The following FARP1 variants were observed in gnomAD, a reference collection of about 807,000 sequenced individuals.
FARP1 encodes FERM, ARHGEF and pleckstrin domain-containing protein 1.
FARP1 carries 52 observed loss-of-function variants against 128.8 expected under a neutral mutation model. The ratio of observed to expected loss-of-function variants is 0.40; its 90% confidence interval spans 0.32 to 0.51. The LOEUF (loss-of-function observed/expected upper bound fraction) is 0.51, where lower values mean the gene tolerates loss of function less well. FARP1 is among the 20% of genes least tolerant of loss of function. FARP1 has a pLI of 0.45. For synonymous variants in FARP1, 580 were observed against 551.8 expected (o/e 1.05, Z -0.72); for missense variants, 1,333 against 1,367.9 (o/e 0.97, Z 0.40).
At chr13:98,205,330 G>T (rs1329624091) in intron 1 of FARP1, among the ~76,000 whole-genome samples, 5 of 151,194 alleles carry the variant, frequency 3.3e-5, no homozygotes, top group Non-Finnish European at 5.9e-5. Context: ...TTTGATTTTT[G>T]TTTCTTTAGG....
chr13:98,309,181 T>G (rs1886332418), intron 2 of FARP1, among the ~76,000 whole-genome samples: 1 of 66,338 alleles, frequency 1.5e-5, no homozygotes, highest in Non-Finnish European at 2.9e-5. Context: ...TTTTTTTTTT[T>G]TTGGAGACGG....
chr13:98,393,927 G>C (rs1205542632), intron 12 of FARP1, among the ~76,000 whole-genome samples: 1 of 152,290 alleles, frequency 6.6e-6, no homozygotes, highest in East Asian at 1.9e-4. Flanking sequence ...GGAGTGTGTT[G>C]TGTTTTCAGC....
intron 16 of FARP1, among the ~76,000 whole-genome samples, chr13:98,415,485 G>A (rs375591576): frequency 2.0e-5 from 3 of 152,326 alleles, no homozygotes; most frequent in Non-Finnish European, 2.9e-5. Context: ...GAGTGTGTGC[G>A]TGGCAGGCTT....
chr13:98,396,012 C>G (rs1890528981), intron 13 of FARP1: 1 of 399,026 alleles, frequency 2.5e-6, no homozygotes, highest in African/African-American at 2.1e-5. Flanking sequence ...CTTATGAACG[C>G]TGGTCCCCCA....
At chr13:98,232,076 C>T (rs1234458426) in intron 2 of FARP1, among the ~76,000 whole-genome samples, 1 of 150,560 alleles carries the variant, frequency 6.6e-6, no homozygotes, top group Non-Finnish European at 1.5e-5. Context: ...GCGATCTGCC[C>T]ACTTTGGCCT....
chr13:98,361,857 T>G (rs1436946469), intron 3 of FARP1, among the ~76,000 whole-genome samples: 1 of 152,160 alleles, frequency 6.6e-6, no homozygotes, highest in African/African-American at 2.4e-5. Context: ...TGTCCTGGGT[T>G]TTAGAGCTCT....
chr13:98,158,646 C>G (rs1317381197), intron 1 of FARP1, among the ~76,000 whole-genome samples: 1 of 152,138 alleles, frequency 6.6e-6, no homozygotes, highest in Non-Finnish European at 1.5e-5. Flanking sequence ...TAAAAAAACC[C>G]TAAAGTGTGA....
intron 19 of FARP1, chr13:98,436,180 A>G: frequency 9.2e-6 from 2 of 218,350 alleles, no homozygotes; most frequent in Non-Finnish European, 1.8e-5. Context: ...AAAATACCAA[A>G]TCTTAGCTGG....
At chr13:98,325,638 A>G (rs944586222) in intron 2 of FARP1, among the ~76,000 whole-genome samples, 2 of 152,228 alleles carry the variant, frequency 1.3e-5, no homozygotes, top group African/African-American at 4.8e-5. Flanking sequence ...TAGATTACAC[A>G]GCCGTGACAG....
At chr13:98,294,048 T>C (rs761823593) in intron 2 of FARP1, among the ~76,000 whole-genome samples, 6 of 152,218 alleles carry the variant, frequency 3.9e-5, no homozygotes, top group Admixed American at 1.3e-4. Flanking sequence ...GTCTGTGGAC[T>C]TGAGCTATTT....
At chr13:98,318,390 T>C (rs150691754) in intron 2 of FARP1, among the ~76,000 whole-genome samples, 241 of 152,276 alleles carry the variant, frequency 1.6e-3, no homozygotes, top group Non-Finnish European at 2.9e-3. Flanking sequence ...TCCTATTGGA[T>C]CAGGGCGGCA....
rs1216332724 is a variant in FARP1, at chr13:98,278,807, T to G, written c.172-64955T>G. Among the ~76,000 whole-genome samples the G allele has an allele frequency of 2.7e-5, 4 of 149,366 alleles. No individual in the cohort carries two copies. In the South Asian group the frequency reaches 6.3e-4, roughly 23 times the overall value. Reference sequence around the variant, plus strand: ...CTGTGACGAGGCTGCATTGTTTTTCTTATCATTTTAATGTTATTTATTTAT... The same window carrying G: ...CTGTGACGAGGCTGCATTGTTTTTCGTATCATTTTAATGTTATTTATTTAT... On this transcript the variant is annotated intron_variant, in intron 2 of 26. Coordinates refer to ENST00000319562, the MANE Select transcript of FARP1 (RefSeq NM_005766.4).
chr13:98,438,145 T>C (rs1566320478), intron 19 of FARP1, among the ~76,000 whole-genome samples: 1 of 152,196 alleles, frequency 6.6e-6, no homozygotes, highest in Non-Finnish European at 1.5e-5. Flanking sequence ...CTGCGATCCA[T>C]GCCCTCAAGA....
At chr13:98,271,151 A>G (rs144566074) in intron 2 of FARP1, among the ~76,000 whole-genome samples, 1 of 152,346 alleles carries the variant, frequency 6.6e-6, no homozygotes, top group African/African-American at 2.4e-5. Flanking sequence ...TCCTTCATTC[A>G]TAAACACCTG....
rs955761110 is a variant in FARP1 at position 98,435,889 on chromosome 13, G to A, written c.2274+183G>A. The A allele has an allele frequency of 4.2e-6, 3 of 714,826 alleles. No individual in the cohort carries two copies. In the African/African-American group the frequency reaches 5.2e-5, roughly 12 times the overall value. The allele number at this position is 714,826 out of a possible 1,614,324, so 44.3% of individuals were successfully genotyped here. ...GTTCAGAATCATTGTGTTCGGAGGA[G>A]ATAAAGCAATCCTCTGACCTCATAT... On this transcript the variant is annotated intron_variant, in intron 19 of 26. Coordinates refer to ENST00000319562, the MANE Select transcript of FARP1 (RefSeq NM_005766.4).
At chr13:98,271,332 C>T (rs1214361943) in intron 2 of FARP1, among the ~76,000 whole-genome samples, 4 of 152,186 alleles carry the variant, frequency 2.6e-5, no homozygotes, top group Non-Finnish European at 4.4e-5. Context: ...TTGCTAAATG[C>T]TCCTCTTAAC....
intron 1 of FARP1, among the ~76,000 whole-genome samples, chr13:98,147,257 G>C (rs2139074945): frequency 6.6e-6 from 1 of 152,268 alleles, no homozygotes; most frequent in East Asian, 1.9e-4. Context: ...CTAATCCGGC[G>C]AGACTGAAAC....
intron 2 of FARP1, among the ~76,000 whole-genome samples, chr13:98,226,581 A>G (rs1452667677): frequency 6.6e-6 from 1 of 151,532 alleles, no homozygotes; most frequent in Admixed American, 6.6e-5. Context: ...TGTGCTGTTG[A>G]CTGCTGCTGT....
chr13:98,393,986 C>T (rs1890412606), intron 12 of FARP1, among the ~76,000 whole-genome samples: 1 of 152,206 alleles, frequency 6.6e-6, no homozygotes, highest in African/African-American at 2.4e-5. Flanking sequence ...GAACTCAGCT[C>T]AGCGGCGGAA....
Sources: allele counts gnomAD v4.1 joint callset (sites outside exome capture counted in the v4.1 genomes callset), GRCh38; gene constraint gnomAD v4.1.1; transcripts MANE v1.5; gene names NCBI Gene and HGNC (gene_info 2026-07-23, HGNC 2026-07-21).